The following SVIL variants were observed in gnomAD, a reference collection of about 807,000 sequenced individuals.
The protein encoded by SVIL is archvillin.
In SVIL, 101 loss-of-function variants were observed where a neutral mutation model predicts 240.4. The ratio of observed to expected loss-of-function variants is 0.42; its 90% CI spans 0.36 to 0.50. The LOEUF is 0.50. Among genes scored for constraint, SVIL ranks in the 20% least tolerant of loss-of-function variants. The pLI is 0.01. For missense variants in SVIL, 2,512 were observed against 2,818.7 expected, an observed-to-expected ratio of 0.89 and a Z score of 2.46; for synonymous variants, 999 against 1,100.0, an observed-to-expected ratio of 0.91 and a Z score of 1.82.
At chr10:29,522,755 T>G (rs1950645644) in intron 15 of SVIL, 120 bp from the exon 16 acceptor site, 1 of 1,110,692 alleles carries the variant, frequency 9.0e-7, no homozygotes, top group South Asian at 1.5e-5. Context: ...GGTGACCCAA[T>G]CCACTGGGAT....
intron 6 of SVIL, among the ~76,000 whole-genome samples, chr10:29,538,078 G>A (rs1006380691): frequency 2.0e-5 from 3 of 152,208 alleles, no homozygotes; most frequent in African/African-American, 7.2e-5. Context: ...GCCAGCAGAC[G>A]CCTGCTGTTG....
At chr10:29,550,532 C>A in intron 6 of SVIL, 65 bp downstream of exon 6, 1 of 1,469,874 alleles carries the variant, frequency 6.8e-7, no homozygotes, top group Non-Finnish European at 9.1e-7. Flanking sequence ...AACCCTATCA[C>A]ACAGAGAGGC....
chr10:29,550,569 G>T, intron 6 of SVIL, 28 bp downstream of exon 6: 1 of 1,566,622 alleles, frequency 6.4e-7, no homozygotes. Flanking sequence ...CCTGCGTTCA[G>T]GGTGCTTAGC....
intron 1 of SVIL, among the ~76,000 whole-genome samples, chr10:29,717,906 A>G (rs186241008): frequency 4.7e-4 from 72 of 152,332 alleles, no homozygotes; most frequent in African/African-American, 1.7e-3. Flanking sequence ...TATAACATAC[A>G]TATCAAATTT....
intron 1 of SVIL, among the ~76,000 whole-genome samples, chr10:29,724,187 T>A (rs554186717): frequency 2.2e-4 from 34 of 151,250 alleles, no homozygotes; most frequent in Middle Eastern, 3.4e-3. Context: ...CTCTCTTTTT[T>A]TTTTTTTCAA....
intron 17 of SVIL, among the ~76,000 whole-genome samples, chr10:29,503,021 T>C (rs1418680662): frequency 6.6e-6 from 1 of 152,240 alleles, no homozygotes; most frequent in African/African-American, 2.4e-5. Context: ...TATTGTGACC[T>C]GGCTTTTAAA....
intron 1 of SVIL, among the ~76,000 whole-genome samples, chr10:29,589,241 C>G (rs749980373): frequency 6.6e-6 from 1 of 152,128 alleles, no homozygotes; most frequent in Non-Finnish European, 1.5e-5. Flanking sequence ...AACCCCATGC[C>G]GCCCTATCAC....
intron 6 of SVIL, among the ~76,000 whole-genome samples, chr10:29,537,853 T>G (rs1951849684): frequency 6.6e-6 from 1 of 152,180 alleles, no homozygotes; most frequent in Non-Finnish European, 1.5e-5. Flanking sequence ...TCAGCCTTGC[T>G]ACTCCTAAAA....
chr10:29,526,251 A>C (rs943594182), intron 13 of SVIL, among the ~76,000 whole-genome samples: 2 of 151,214 alleles, frequency 1.3e-5, no homozygotes, highest in African/African-American at 4.9e-5. Flanking sequence ...TCAGCATTTC[A>C]ACATTCAGGT....
rs1429386876 is a variant in SVIL, at chr10:29,533,289, T to C, written c.1078A>G (p.Thr360Ala). The C allele has an allele frequency of 6.2e-7, 1 of 1,613,992 alleles. No individual in the cohort carries two copies. Among genetic ancestry groups the C allele is most frequent in the African/African-American group, 1.3e-5 (1 of 74,904 alleles). ...ACATAGCCACGGATTGGCTGTCGTG[T>C]AGAGCCTGCTGCCTTGCTGGGGACC... is the stretch of plus-strand genomic sequence containing the variant. ...DRVPSKAAGS[T>A]RQPIRGYVQP... Residue 360 changes from threonine (T) to alanine (A), a missense_variant, in exon 8 of 38, where the codon ACA becomes GCA. Transcript: ENST00000355867.
At chr10:29,606,250 G>T (rs1442520266) in intron 1 of SVIL, among the ~76,000 whole-genome samples, 1 of 151,968 alleles carries the variant, frequency 6.6e-6, no homozygotes, top group African/African-American at 2.4e-5. Flanking sequence ...TTGCTGTTTT[G>T]CCCAGGCTTG....
chr10:29,481,511 C>G, intron 28 of SVIL, 73 bp downstream of exon 28: 1 of 1,590,166 alleles, frequency 6.3e-7, no homozygotes, highest in Non-Finnish European at 8.6e-7. Flanking sequence ...CTGATTTGAT[C>G]ATTTTACATG....
intron 1 of SVIL, among the ~76,000 whole-genome samples, chr10:29,705,117 T>C (rs913292569): frequency 2.6e-5 from 4 of 152,154 alleles, no homozygotes; most frequent in African/African-American, 7.2e-5. Context: ...TGGAAGTTCT[T>C]TATCCCTGGA....
chr10:29,720,694 T>C (rs1466733026), intron 1 of SVIL, among the ~76,000 whole-genome samples: 1 of 152,180 alleles, frequency 6.6e-6, no homozygotes, highest in Non-Finnish European at 1.5e-5. Flanking sequence ...TAATAACTTA[T>C]ATGGAGTTAA....
chr10:29,538,142 A>G (rs1240880861), intron 6 of SVIL, among the ~76,000 whole-genome samples: 1 of 152,236 alleles, frequency 6.6e-6, no homozygotes, highest in Non-Finnish European at 1.5e-5. Flanking sequence ...GGTTATGTTT[A>G]GGCTGAATGC....
At chr10:29,526,802 C>T (rs1950951784) in intron 13 of SVIL, among the ~76,000 whole-genome samples, 159 bp downstream of exon 13, 1 of 152,262 alleles carries the variant, frequency 6.6e-6, no homozygotes, top group Admixed American at 6.5e-5. Flanking sequence ...TGGTTATCAG[C>T]ACCTTGTGCT....
intron 1 of SVIL, among the ~76,000 whole-genome samples, chr10:29,694,486 G>A (rs1055823833): frequency 6.6e-6 from 1 of 151,894 alleles, no homozygotes; most frequent in Non-Finnish European, 1.5e-5. Flanking sequence ...CTGAGATCGA[G>A]TTTTACTCTG....
At chr10:29,708,883 C>CA (rs954734734) in intron 1 of SVIL, among the ~76,000 whole-genome samples, 3 of 151,636 alleles carry the variant, frequency 2.0e-5, no homozygotes, top group South Asian at 2.1e-4. Context: ...TCAACAACAA[C>CA]AAAAAAATCA....
At position 29,735,702 on chromosome 10, in the gene SVIL, C is replaced by G. The variant is rs928901347; in HGVS notation, c.-400+49G>C. 2.0e-5 allele frequency: 3 copies of G among 152,058 alleles called. No homozygotes were observed. The highest frequency in any genetic ancestry group is 2.9e-5 in the Non-Finnish European group (2 of 68,066). 9.4% of individuals were successfully genotyped at this position (152,058 alleles called of 1,614,324 possible). On this transcript the variant is annotated intron_variant, in intron 1 of 35. Coordinates refer to the SVIL transcript ENST00000375400. The surrounding 1 kb of genome is among the most constrained non-coding windows in gnomAD (Gnocchi z 4.1). ...AGCGGCGCGTCCTGGCGTCTGCCGGCCCCGGCTCCGCGCGCCCCTCGGCCA... is the reference window on the plus strand; with the variant it reads ...AGCGGCGCGTCCTGGCGTCTGCCGGGCCCGGCTCCGCGCGCCCCTCGGCCA...
Sources: gnomAD v4.1 joint callset for allele counts (sites outside exome capture counted in the v4.1 genomes callset) on GRCh38, gnomAD v4.1.1 for gene constraint, Gnocchi (gnomAD v3.1) non-coding constraint, MANE v1.5 for transcripts, NCBI Gene and HGNC (gene_info 2026-07-23, HGNC 2026-07-21) for gene names.